NLN: variants seen among roughly 807,000 people sequenced by gnomAD.
NLN encodes the protein neurolysin, mitochondrial.
NLN carries 64 observed loss-of-function variants against 79.9 expected under a neutral mutation model. The observed-to-expected ratio is 0.80, with a 90% CI of 0.65 to 0.99. The LOEUF is 0.99. Ranked by LOEUF, NLN falls within the 50% of genes least tolerant of loss-of-function variation. The pLI, the probability that NLN is intolerant of heterozygous loss-of-function variation, is 0.00. For missense variants in NLN, 835 were observed against 858.7 expected, an observed-to-expected ratio of 0.97 and a Z score of 0.34; for synonymous variants, 267 against 296.6, an observed-to-expected ratio of 0.90 and a Z score of 1.02.
intron 1 of NLN, among the ~76,000 whole-genome samples, chr5:65,742,179 T>C (rs1302720): frequency 0.29 from 43,365 of 152,032 alleles, 7,400 homozygotes; most frequent in East Asian, 0.55. Flanking sequence ...CAAAAACTTA[T>C]TACATTACAA....
chr5:65,785,346 G>A (rs1579949129), intron 6 of NLN, among the ~76,000 whole-genome samples: 1 of 152,090 alleles, frequency 6.6e-6, no homozygotes, highest in Non-Finnish European at 1.5e-5. Context: ...TTTAAAAATA[G>A]TAGCCATACA....
At chr5:65,786,011 C>A in intron 7 of NLN, 101 bp downstream of exon 7, 1 of 1,060,498 alleles carries the variant, frequency 9.4e-7, no homozygotes. Context: ...CCTACTTTTC[C>A]TTCATTTGAG....
rs1172727582 is a variant in NLN at position 65,827,590 on chromosome 5, C to A, written c.*4675C>A. On this transcript the variant is annotated 3_prime_UTR_variant, in exon 13 of 13. Transcript: ENST00000380985. ...CTATTGAAACAGTCTGAGATAGTTGCATGATGATTAACGTTAAACTGGGAG... is the reference window on the plus strand; with the variant it reads ...CTATTGAAACAGTCTGAGATAGTTGAATGATGATTAACGTTAAACTGGGAG... The A allele has an allele frequency of 6.6e-6, 1 of 151,860 alleles. No individual in the cohort carries two copies. Among genetic ancestry groups the A allele is most frequent in the East Asian group, 1.9e-4 (1 of 5,184 alleles). 9.4% of individuals were successfully genotyped at this position (151,860 alleles called of 1,614,324 possible).
At chr5:65,777,562 G>GA (rs70983687) in intron 4 of NLN, 28 bp downstream of exon 4, 37,568 of 1,188,022 alleles carry the variant, frequency 0.032, 262 homozygotes, top group South Asian at 0.068. Context: ...TTTCTTATCA[G>GA]AAAAAAAAAA....
intron 9 of NLN, among the ~76,000 whole-genome samples, chr5:65,807,877 G>T (rs1214127521): frequency 6.6e-6 from 1 of 152,164 alleles, no homozygotes; most frequent in Non-Finnish European, 1.5e-5. Flanking sequence ...TCATTGCAGT[G>T]GTCTGGAACT....
chr5:65,744,432 A>G (rs1758930321), intron 1 of NLN, among the ~76,000 whole-genome samples: 1 of 145,862 alleles, frequency 6.9e-6, no homozygotes, highest in Admixed American at 6.8e-5. Flanking sequence ...TGAATCAACT[A>G]TTTCTTGAGA....
chr5:65,783,595 C>T (rs1388616855), intron 6 of NLN, among the ~76,000 whole-genome samples: 4 of 151,886 alleles, frequency 2.6e-5, no homozygotes, highest in Non-Finnish European at 5.9e-5. Context: ...CACAGTGGCT[C>T]ACACTTGTAA....
In NLN at chr5:65,739,023, A is replaced by T. The variant is rs1302370792; in HGVS notation, c.41+16609A>T. Among the ~76,000 whole-genome samples the T allele has an allele frequency of 6.1e-4, 86 of 141,376 alleles. 1 individual carries two copies. Among genetic ancestry groups the T allele is most frequent in the African/African-American group, 2.0e-3 (79 of 38,588 alleles). The allele number at this position is 141,376 out of a possible 152,430, so 92.7% of individuals were successfully genotyped here. ...TTTATAATATATATTTATATATATA[A>T]ATATATAATATATATATAAAAAATA... is the stretch of plus-strand genomic sequence containing the variant. On this transcript the variant is annotated intron_variant, in intron 1 of 12. Coordinates refer to ENST00000380985, the MANE Select transcript of NLN (RefSeq NM_020726.5).
chr5:65,760,586 C>T (rs148900614), intron 2 of NLN, among the ~76,000 whole-genome samples: 1 of 152,338 alleles, frequency 6.6e-6, no homozygotes, highest in East Asian at 1.9e-4. Context: ...AATCCTAGCT[C>T]ACTGCAGCCT....
rs767504541 is a variant in NLN at position 65,763,116 on chromosome 5, G to A, written c.450+8G>A. ...AGAATTGTTCATTTACAGGTAAGTG[G>A]TGTTATAAATCCCTTTAAAGAGGGA... On this transcript the variant is annotated splice_region_variant and intron_variant, in intron 3 of 12. Transcript: ENST00000380985. 6.2e-7 allele frequency: 1 copy of A among 1,611,728 alleles called. No homozygotes were observed. The highest frequency in any genetic ancestry group is 2.2e-5 in the East Asian group (1 of 44,824).
intron 9 of NLN, among the ~76,000 whole-genome samples, chr5:65,801,118 A>G (rs970178101): frequency 1.3e-5 from 2 of 151,628 alleles, no homozygotes; most frequent in African/African-American, 4.9e-5. Context: ...ATGCCCTAAA[A>G]CTCTTTGAAG....
At chr5:65,809,904 A>G (rs1326215337) in intron 10 of NLN, 133 bp from the exon 11 acceptor site, 3 of 1,112,232 alleles carry the variant, frequency 2.7e-6, no homozygotes, top group African/African-American at 3.1e-5. Flanking sequence ...TTTAAATCTT[A>G]AGTAGAATGA....
At chr5:65,725,801 G>GT (rs1354096107) in intron 1 of NLN, among the ~76,000 whole-genome samples, 1 of 152,132 alleles carries the variant, frequency 6.6e-6, no homozygotes, top group Non-Finnish European at 1.5e-5. Flanking sequence ...TCTGTCAGTA[G>GT]TTTTTTTCTG....
At chr5:65,821,916 C>G (rs1292373081) in intron 12 of NLN, among the ~76,000 whole-genome samples, 1 of 152,160 alleles carries the variant, frequency 6.6e-6, no homozygotes, top group Non-Finnish European at 1.5e-5. Flanking sequence ...TACGACAGAG[C>G]TGGAAATTCT....
rs570863206 is a variant in NLN at position 65,828,538 on chromosome 5, T to C, written c.*5623T>C. 3.3e-5 allele frequency: 5 copies of C among 152,386 alleles called. No individual in the cohort carries two copies. The highest frequency in any genetic ancestry group is 7.3e-5 in the Non-Finnish European group (5 of 68,038). 9.4% of individuals were successfully genotyped at this position (152,386 alleles called of 1,614,324 possible). On this transcript the variant is annotated 3_prime_UTR_variant, in exon 13 of 13. Coordinates refer to ENST00000380985, the MANE Select transcript of NLN (RefSeq NM_020726.5). The stretch of plus-strand genomic sequence containing the variant: ...AATGGGAGAGAGAATAGGCTAATTC[T>C]GTATTGCTTCAGAAACCAAATGGAA...
rs547257466 is a variant in NLN at position 65,815,390 on chromosome 5, T to G, written c.1980+2999T>G. Among the ~76,000 whole-genome samples, 3 of 152,346 alleles carry G rather than the reference T, an allele frequency of 2.0e-5. No homozygotes were observed. In the East Asian group the frequency reaches 5.8e-4, roughly 29 times the overall value. On this transcript the variant is annotated intron_variant, in intron 12 of 12. Transcript: ENST00000380985. ...TGGCAGGCAGCCATACTACTCTTAT[T>G]TAGACAAAGGTGCTGGGTTGAACTT...
At chr5:65,763,138 G>A (rs1759376628) in intron 3 of NLN, 30 bp downstream of exon 3, 4 of 1,577,746 alleles carry the variant, frequency 2.5e-6, no homozygotes, top group Middle Eastern at 1.7e-4. Context: ...CCTTTAAAGA[G>A]GGAAAAACTC....
chr5:65,791,139 C>T (rs1760048589), intron 8 of NLN, among the ~76,000 whole-genome samples: 1 of 152,086 alleles, frequency 6.6e-6, no homozygotes, highest in African/African-American at 2.4e-5. Flanking sequence ...TTAAAAAGAC[C>T]AGGTACTGTC....
intron 3 of NLN, among the ~76,000 whole-genome samples, chr5:65,772,220 A>C (rs252632): frequency 0.58 from 87,467 of 151,908 alleles, 25,561 homozygotes; most frequent in African/African-American, 0.61. Flanking sequence ...TTTTAACATG[A>C]TGTGTGATAT....
Sources: gnomAD v4.1 joint callset for allele counts (sites outside exome capture counted in the v4.1 genomes callset) on GRCh38, gnomAD v4.1.1 for gene constraint, MANE v1.5 for transcripts, NCBI Gene and HGNC (gene_info 2026-07-23, HGNC 2026-07-21) for gene names.